SNX9: variants seen among roughly 807,000 people sequenced by gnomAD.
SNX9 encodes sorting nexin 9.
In SNX9, 44 loss-of-function variants were observed where a neutral mutation model predicts 89.4. The ratio of observed to expected loss-of-function variants is 0.49; its 90% CI spans 0.39 to 0.63. The LOEUF (loss-of-function observed/expected upper bound fraction) is 0.63, where lower values mean the gene tolerates loss of function less well. SNX9 is among the 30% of genes least tolerant of loss of function. The probability of loss-of-function intolerance (pLI) is 0.00; values close to 1 mark genes in which losing one functional copy is unlikely to be tolerated. For synonymous variants in SNX9, 236 were observed against 247.8 expected (o/e 0.95, Z 0.45); for missense variants, 578 against 736.1 (o/e 0.79, Z 2.49).
At chr6:157,909,865 A>G (rs939500253) in intron 8 of SNX9, 43 bp from the exon 9 acceptor site, 19 of 1,611,326 alleles carry the variant, frequency 1.2e-5, no homozygotes, top group Admixed American at 6.7e-5. Flanking sequence ...TTCATTTTCT[A>G]GAGTTGGCAT....
intron 1 of SNX9, among the ~76,000 whole-genome samples, chr6:157,826,230 G>A (rs1477423300): frequency 6.6e-6 from 1 of 152,062 alleles, no homozygotes; most frequent in Non-Finnish European, 1.5e-5. Context: ...GTCGGGCGCC[G>A]TCTCACGCCT....
chr6:157,921,031 A>T (rs1783572049), intron 9 of SNX9, among the ~76,000 whole-genome samples: 1 of 152,180 alleles, frequency 6.6e-6, no homozygotes, highest in African/African-American at 2.4e-5. Context: ...ACTTGTATAG[A>T]TGTAATTTAT....
At chr6:157,875,245 G>A in intron 4 of SNX9, 69 bp downstream of exon 4, 1 of 1,543,878 alleles carries the variant, frequency 6.5e-7, no homozygotes, top group Non-Finnish European at 8.7e-7. Flanking sequence ...GTGAAGGCTT[G>A]TGATGCATTA....
At chr6:157,914,469 C>CTTTTTTTTTTTTTTTTTTTT (rs34419515) in intron 9 of SNX9, among the ~76,000 whole-genome samples, 8 of 75,112 alleles carry the variant, frequency 1.1e-4, no homozygotes, top group African/African-American at 3.4e-4. Flanking sequence ...TTTTCTTTTT[C>CTTTTTTTTTTTTTTTTTTTT]TTTTTTTTTT....
chr6:157,895,984 C>T (rs1782969634), intron 4 of SNX9, among the ~76,000 whole-genome samples: 1 of 152,152 alleles, frequency 6.6e-6, no homozygotes. Flanking sequence ...GAAAAAGTAA[C>T]CTGAAGTAAA....
intron 9 of SNX9, among the ~76,000 whole-genome samples, chr6:157,919,130 C>G (rs1311586418): frequency 6.6e-6 from 1 of 152,152 alleles, no homozygotes; most frequent in East Asian, 1.9e-4. Context: ...TTTAATACTT[C>G]TTATAATGCA....
chr6:157,864,561 A>C (rs2115132404), intron 1 of SNX9, among the ~76,000 whole-genome samples: 1 of 152,332 alleles, frequency 6.6e-6, no homozygotes, highest in East Asian at 1.9e-4. Context: ...TAAAAATTTC[A>C]GCAGGATTCT....
chr6:157,931,558 C>T (rs1198209758), intron 12 of SNX9, among the ~76,000 whole-genome samples: 1 of 151,826 alleles, frequency 6.6e-6, no homozygotes, highest in Non-Finnish European at 1.5e-5. Flanking sequence ...AAAAAGAAAC[C>T]TTAGGGGTCA....
At chr6:157,898,319 T>C (rs77418190) in intron 5 of SNX9, among the ~76,000 whole-genome samples, 9,644 of 152,280 alleles carry the variant, frequency 0.063, 442 homozygotes, top group Middle Eastern at 0.099. Flanking sequence ...GCTGGGTTGG[T>C]AAAGTAAAAG....
chr6:157,828,987 C>T (rs1781434047), intron 1 of SNX9, among the ~76,000 whole-genome samples: 1 of 151,924 alleles, frequency 6.6e-6, no homozygotes. Context: ...TTTAAAAGAG[C>T]AAAAATATAT....
At chr6:157,906,687 A>G (rs572536126) in intron 7 of SNX9, among the ~76,000 whole-genome samples, 3 of 152,334 alleles carry the variant, frequency 2.0e-5, no homozygotes, top group African/African-American at 7.2e-5. Context: ...ACCAAATGGA[A>G]GCTGGGAGTT....
chr6:157,860,289 CCTGT>C (rs1440217936), intron 1 of SNX9, among the ~76,000 whole-genome samples: 5 of 152,140 alleles, frequency 3.3e-5, no homozygotes, highest in African/African-American at 1.2e-4. Flanking sequence ...TGCCTGTAGT[CCTGT>C]CTATCAGGAG....
chr6:157,883,815 T>C (rs1376719801), intron 4 of SNX9, among the ~76,000 whole-genome samples: 2 of 152,352 alleles, frequency 1.3e-5, no homozygotes, highest in East Asian at 3.9e-4. Context: ...TCTGTTTTAC[T>C]TCTCTGGATT....
At chr6:157,853,907 C>T (rs1378370723) in intron 1 of SNX9, among the ~76,000 whole-genome samples, 1 of 152,122 alleles carries the variant, frequency 6.6e-6, no homozygotes, top group Non-Finnish European at 1.5e-5. Flanking sequence ...TCACAAGGCA[C>T]AGGCAGTTTG....
intron 4 of SNX9, among the ~76,000 whole-genome samples, chr6:157,881,774 T>G (rs1782627917): frequency 6.6e-6 from 1 of 152,236 alleles, no homozygotes; most frequent in Admixed American, 6.5e-5. Context: ...TCTTCAATTC[T>G]GTGAAGGCTG....
At chr6:157,858,208 A>G (rs1437731413) in intron 1 of SNX9, among the ~76,000 whole-genome samples, 1 of 151,774 alleles carries the variant, frequency 6.6e-6, no homozygotes, top group Non-Finnish European at 1.5e-5. Context: ...GGCCAGAGTA[A>G]GCACATGAAC....
intron 1 of SNX9, among the ~76,000 whole-genome samples, chr6:157,825,195 C>G (rs1005219021): frequency 7.9e-5 from 12 of 152,130 alleles, no homozygotes; most frequent in Non-Finnish European, 8.8e-5. Context: ...TTGCAGTGAT[C>G]CGAGATCGCG....
chr6:157,900,600 CG>C (rs1338943524), intron 5 of SNX9, among the ~76,000 whole-genome samples: 2 of 151,630 alleles, frequency 1.3e-5, no homozygotes, highest in South Asian at 2.1e-4. Flanking sequence ...TTAGTGAGGG[CG>C]GGGGTAGGTT....
rs555834090 is a variant in SNX9 at position 157,864,397 on chromosome 6, T to C, written c.13-3150T>C. Among the ~76,000 whole-genome samples, 24 of 152,264 alleles carry C rather than the reference T, an allele frequency of 1.6e-4. 1 individual carries two copies. In the South Asian group the frequency reaches 4.8e-3, roughly 30 times the overall value. On this transcript the variant is annotated intron_variant, in intron 1 of 17. Transcript: ENST00000392185. The stretch of plus-strand genomic sequence containing the variant: ...GGTCCAAACCCTCTAACCTTAGCAG[T>C]GAGTAAGTGCTTAGTAATATTTAAG...
Sources: gnomAD v4.1 joint callset for allele counts (sites outside exome capture counted in the v4.1 genomes callset) on GRCh38, gnomAD v4.1.1 for gene constraint, MANE v1.5 for transcripts, NCBI Gene and HGNC (gene_info 2026-07-23, HGNC 2026-07-21) for gene names.